Variants in OLIG1 observed in about 807,000 individuals in gnomAD.
The protein encoded by OLIG1 is basic domain, helix-loop-helix protein, class B, 6.
In OLIG1, 9 loss-of-function variants were observed where a neutral mutation model predicts 13.5. The ratio of observed to expected loss-of-function variants is 0.67; its 90% CI spans 0.40 to 1.17. The LOEUF (loss-of-function observed/expected upper bound fraction) is 1.17, where lower values mean the gene tolerates loss of function less well. OLIG1 is among the 50% of genes most tolerant of loss of function. OLIG1 has a pLI of 0.01. For missense variants in OLIG1, 362 were observed against 392.2 expected (o/e 0.92, Z 0.65); for synonymous variants, 215 against 208.3 (o/e 1.03, Z -0.28).
chr21:33,070,874 C>G lies in OLIG1; in HGVS notation c.628C>G (p.Pro210Ala). ...GCTGCTGGCGCCCGGCGCCGTAGGA[C>G]CCCCCGACGCGCTGCGCCCCGCCAA... ...SVLLAPGAVG[P>A]PDALRPAKYL... The change falls in exon 1 of 1, where the codon CCC (proline) becomes GCC (alanine). Residue 210 changes from proline (P) to alanine (A), a missense_variant. By Grantham distance (27) the Pro-to-Ala change is conservative. Coordinates refer to ENST00000382348, the MANE Select transcript of OLIG1 (RefSeq NM_138983.3). This position sits in a 1 kb window ranked among gnomAD's most constrained non-coding sequence, Gnocchi z 5.9. The G allele has an allele frequency of 7.8e-7, 1 of 1,284,412 alleles. No individual in the cohort carries two copies. Among genetic ancestry groups the G allele is most frequent in the Non-Finnish European group, 9.8e-7 (1 of 1,016,724 alleles). 79.6% of individuals were successfully genotyped at this position (1,284,412 alleles called of 1,614,324 possible).
chr21:33,071,086 G>C lies in OLIG1; in HGVS notation c.*24G>C. The C allele has an allele frequency of 1.4e-6, 2 of 1,451,346 alleles. No individual in the cohort carries two copies. The highest frequency in any genetic ancestry group is 1.4e-5 in the South Asian group (1 of 72,812). The allele number at this position is 1,451,346 out of a possible 1,614,324, so 89.9% of individuals were successfully genotyped here. A position where few individuals can be genotyped will look rare whatever the true frequency, so the allele number is the denominator to read the frequency against. Reference sequence around the variant, plus strand: ...GAGGGCGGGCCTGGGCCTGGGGCGCGACCTCGGCCCGGCCTCCCTTCGCTC... The same window carrying C: ...GAGGGCGGGCCTGGGCCTGGGGCGCCACCTCGGCCCGGCCTCCCTTCGCTC... On this transcript the variant is annotated 3_prime_UTR_variant, in exon 1 of 1. Transcript: ENST00000382348. The surrounding 1 kb of genome is among the most constrained non-coding windows in gnomAD (Gnocchi z 6.0).
In OLIG1 at chr21:33,070,341, T is replaced by C. The variant is rs1385740746; in HGVS notation, c.95T>C (p.Leu32Pro). 1.3e-6 allele frequency: 2 copies of C among 1,546,384 alleles called. No individual in the cohort carries two copies. The highest frequency in any genetic ancestry group is 2.8e-5 in the African/African-American group (2 of 72,364). Residue 32 changes from leucine to proline, a missense_variant, in exon 1 of 1, where the codon CTC (leucine) becomes CCC (proline). By Grantham distance (98) the Leu-to-Pro change is moderately conservative. This residue lies in a region of OLIG1 where 206 missense variants were observed against 197.2 expected (regional missense o/e 1.04). Coordinates refer to ENST00000382348, the MANE Select transcript of OLIG1 (RefSeq NM_138983.3). This position sits in a 1 kb window ranked among gnomAD's most constrained non-coding sequence, Gnocchi z 5.9. ...GGAGACTTGCAGCTCGGGGCCTCCC[T>C]CTACGAGCTGGTGGGCTACAGGCAG... ...RPGDLQLGASLYELVGYRQPP... is the reference protein window; with the variant it reads ...RPGDLQLGASPYELVGYRQPP...
Position 33,070,282 on chromosome 21 carries a change from G to C in OLIG1, c.36G>C (p.Ala12=), listed in dbSNP as rs778525404. Residue 12 remains alanine, a synonymous_variant, in exon 1 of 1, where the codon GCG becomes GCC. Coordinates refer to ENST00000382348, the MANE Select transcript of OLIG1 (RefSeq NM_138983.3). This position sits in a 1 kb window ranked among gnomAD's most constrained non-coding sequence, Gnocchi z 5.9. ...CGGTTTCCCAGGCGCGCGTGAACGC[G>C]GTCCCCGGGACCATGCTGCGGCCAC... ...YYAVSQARVN[A]VPGTMLRPQR... is the part of the protein sequence containing the mutation. 4.2e-5 allele frequency: 65 copies of C among 1,541,116 alleles called. No individual in the cohort carries two copies. In the African/African-American group the frequency reaches 7.4e-4, roughly 18 times the overall value.
rs1343905487 is a variant in OLIG1, at chr21:33,070,505, G to C, written c.259G>C (p.Gly87Arg). The change falls in exon 1 of 1, where the codon GGC (glycine) becomes CGC (arginine). Residue 87 changes from glycine (G) to arginine (R), a missense_variant. By Grantham distance (125) the Gly-to-Arg change is moderately radical. Transcript: ENST00000382348. The surrounding 1 kb of genome is among the most constrained non-coding windows in gnomAD (Gnocchi z 5.9). ...AEPPGPGPGS[G>R]AHPGGSARPD... is the part of the protein sequence containing the mutation. ...GCCTCCAGGCCCCGGGCCCGGGTCAGGCGCGCACCCGGGCGGCAGCGCCCG... is the reference window on the plus strand; with the variant it reads ...GCCTCCAGGCCCCGGGCCCGGGTCACGCGCGCACCCGGGCGGCAGCGCCCG... 2.0e-6 allele frequency: 3 copies of C among 1,502,022 alleles called. No individual in the cohort carries two copies. The African/African-American group carries it at 4.4e-5, about 22-fold the overall frequency. 93.0% of individuals were successfully genotyped at this position (1,502,022 alleles called of 1,614,324 possible).
Position 33,070,231 on chromosome 21 carries a change from C to T in OLIG1, c.-16C>T. Reference sequence around the variant, plus strand: ...GTTCCTGAAGGGCGTCCTCGGCCGCCCCCACCGCCTCCCAGATGTACTATG... The same window carrying T: ...GTTCCTGAAGGGCGTCCTCGGCCGCTCCCACCGCCTCCCAGATGTACTATG... On this transcript the variant is annotated 5_prime_UTR_variant, in exon 1 of 1. Coordinates refer to ENST00000382348, the MANE Select transcript of OLIG1 (RefSeq NM_138983.3). This position sits in a 1 kb window ranked among gnomAD's most constrained non-coding sequence, Gnocchi z 5.9. 5 of 1,509,938 alleles carry T rather than the reference C, an allele frequency of 3.3e-6. No homozygotes were observed. Among genetic ancestry groups the T allele is most frequent in the Non-Finnish European group, 4.4e-6 (5 of 1,124,582 alleles). 93.5% of individuals were successfully genotyped at this position (1,509,938 alleles called of 1,614,324 possible).
rs1276211890 is a variant in OLIG1 at position 33,072,299 on chromosome 21, A to G, written c.*1237A>G. 1 of 167,120 alleles carries G rather than the reference A, an allele frequency of 6.0e-6. No individual in the cohort carries two copies. Among genetic ancestry groups the G allele is most frequent in the African/African-American group, 2.4e-5 (1 of 41,464 alleles). The allele number at this position is 167,120 out of a possible 1,614,324, so 10.4% of individuals were successfully genotyped here. ...TTTCCGCAGTTTACTTTGATTTTCT[A>G]TGTTTAAGGTTTTGGTTGTTGGTAG... On this transcript the variant is annotated 3_prime_UTR_variant, in exon 1 of 1. Transcript: ENST00000382348.
chr21:33,070,469 G>T lies in OLIG1; in HGVS notation c.223G>T (p.Ala75Ser). ...CAAGGCTGCGCGCGAGAAGCCGGAG[G>T]CGCCGGCCGAGCCTCCAGGCCCCGG... ...LPKAAREKPE[A>S]PAEPPGPGPG... Residue 75 changes from alanine to serine, a missense_variant, in exon 1 of 1, where the codon GCG becomes TCG. Coordinates refer to ENST00000382348, the MANE Select transcript of OLIG1 (RefSeq NM_138983.3). This position sits in a 1 kb window ranked among gnomAD's most constrained non-coding sequence, Gnocchi z 5.9. 6.6e-7 allele frequency: 1 copy of T among 1,524,182 alleles called. No homozygotes were observed. The allele number at this position is 1,524,182 out of a possible 1,614,324, so 94.4% of individuals were successfully genotyped here.
In OLIG1 at chr21:33,070,159, G is replaced by T; in HGVS notation, c.-88G>T. The T allele has an allele frequency of 7.1e-7, 1 of 1,399,500 alleles. No homozygotes were observed. The highest frequency in any genetic ancestry group is 9.3e-7 in the Non-Finnish European group (1 of 1,075,512). 86.7% of individuals were successfully genotyped at this position (1,399,500 alleles called of 1,614,324 possible). A position where few individuals can be genotyped will look rare whatever the true frequency, so the allele number is the denominator to read the frequency against. On this transcript the variant is annotated 5_prime_UTR_variant, in exon 1 of 1. Transcript: ENST00000382348. The surrounding 1 kb of genome is among the most constrained non-coding windows in gnomAD (Gnocchi z 5.9). The stretch of plus-strand genomic sequence containing the variant: ...GGGCCCCACCATCGTTTCCCCGCGC[G>T]CAGGTCCGCGGGGAGGGGCGGCCTG...
In OLIG1 at chr21:33,070,643, C is replaced by T. The variant is rs1326922188; in HGVS notation, c.397C>T (p.Leu133=). The T allele has an allele frequency of 1.1e-5, 18 of 1,566,892 alleles. No homozygotes were observed. Among genetic ancestry groups the T allele is most frequent in the Admixed American group, 5.4e-5 (3 of 55,650 alleles). ...CATGGACGCCCTGCGCGAGGTCATC[C>T]TGCCCTACTCAGCGGCGCACTGCCA... is the stretch of plus-strand genomic sequence containing the variant. ...LAMDALREVI[L]PYSAAHCQGA... is the part of the protein sequence containing the mutation. Residue 133 remains leucine (L), a synonymous_variant, in exon 1 of 1, where the codon CTG becomes TTG. Coordinates refer to ENST00000382348, the MANE Select transcript of OLIG1 (RefSeq NM_138983.3). The surrounding 1 kb of genome is among the most constrained non-coding windows in gnomAD (Gnocchi z 5.9).
At position 33,070,878 on chromosome 21, in the gene OLIG1, C is replaced by G; in HGVS notation, c.632C>G (p.Pro211Arg). 7.7e-7 allele frequency: 1 copy of G among 1,299,616 alleles called. No individual in the cohort carries two copies. Among genetic ancestry groups the G allele is most frequent in the Non-Finnish European group, 9.7e-7 (1 of 1,025,718 alleles). 80.5% of individuals were successfully genotyped at this position (1,299,616 alleles called of 1,614,324 possible). The part of the protein sequence containing the change: ...VLLAPGAVGP[P>R]DALRPAKYLS... ...CTGGCGCCCGGCGCCGTAGGACCCC[C>G]CGACGCGCTGCGCCCCGCCAAGTAC... Residue 211 changes from proline (P) to arginine (R), a missense_variant, in exon 1 of 1, where the codon CCC becomes CGC. Physicochemically the swap from Pro to Arg is moderately radical, Grantham distance 103 (BLOSUM62 -2). This residue lies in a region of OLIG1 where 94 missense variants were observed against 146.0 expected (regional missense o/e 0.64). Transcript: ENST00000382348. The surrounding 1 kb of genome is among the most constrained non-coding windows in gnomAD (Gnocchi z 5.9).
rs1982208535 is a variant in OLIG1, at chr21:33,070,933, C to T, written c.687C>T (p.Cys229=). 3 of 1,451,304 alleles carry T rather than the reference C, an allele frequency of 2.1e-6. No individual in the cohort carries two copies. The highest frequency in any genetic ancestry group is 3.0e-5 in the African/African-American group (2 of 67,428). The allele number at this position is 1,451,304 out of a possible 1,614,324, so 89.9% of individuals were successfully genotyped here. A position where few individuals can be genotyped will look rare whatever the true frequency, so the allele number is the denominator to read the frequency against. ...YLSLALDEPP[C]GQFALPGGGA... ...CGCTGGCGCTGGACGAGCCGCCGTG[C>T]GGCCAGTTCGCTCTCCCCGGCGGCG... Residue 229 remains cysteine, a synonymous_variant, in exon 1 of 1, where the codon TGC becomes TGT. Coordinates refer to ENST00000382348, the MANE Select transcript of OLIG1 (RefSeq NM_138983.3). This position sits in a 1 kb window ranked among gnomAD's most constrained non-coding sequence, Gnocchi z 5.9.
Position 33,071,847 on chromosome 21 carries a change from G to T in OLIG1, c.*785G>T, listed in dbSNP as rs1364568459. On this transcript the variant is annotated 3_prime_UTR_variant, in exon 1 of 1. Coordinates refer to ENST00000382348, the MANE Select transcript of OLIG1 (RefSeq NM_138983.3). This position sits in a 1 kb window ranked among gnomAD's most constrained non-coding sequence, Gnocchi z 6.0. ...AGAGTTTTCGCTCTTAAATCCTGGGGGTTTCTTAGAAAGCAACTTAGAACT... is the reference window on the plus strand; with the variant it reads ...AGAGTTTTCGCTCTTAAATCCTGGGTGTTTCTTAGAAAGCAACTTAGAACT... 1.2e-5 allele frequency: 2 copies of T among 167,030 alleles called. No homozygotes were observed. Among genetic ancestry groups the T allele is most frequent in the Non-Finnish European group, 2.9e-5 (2 of 68,114 alleles). 10.3% of individuals were successfully genotyped at this position (167,030 alleles called of 1,614,324 possible).
In OLIG1 at chr21:33,071,230, CT is replaced by C. The variant is rs1476392070; in HGVS notation, c.*169del. 7 of 620,424 alleles carry C rather than the reference CT, an allele frequency of 1.1e-5. No homozygotes were observed. In the East Asian group the frequency reaches 1.4e-4, roughly 13 times the overall value. The allele number at this position is 620,424 out of a possible 1,614,324, so 38.4% of individuals were successfully genotyped here. A position where few individuals can be genotyped will look rare whatever the true frequency, so the allele number is the denominator to read the frequency against. On this transcript the variant is annotated 3_prime_UTR_variant, in exon 1 of 1. Transcript: ENST00000382348. This position sits in a 1 kb window ranked among gnomAD's most constrained non-coding sequence, Gnocchi z 6.0. ...GGCACCCCCTTCCCCGCCCCCACCC[CT>C]GGGACGTTAAAGTGACCAGAGCGGA...
In OLIG1 at chr21:33,072,150, C is replaced by G. The variant is rs1282896965; in HGVS notation, c.*1088C>G. ...CCGCTGTTCCTCAGCGGGCCGGGCCCTTGACCAGCGCGGCCCGCAGGTCTT... is the reference window on the plus strand; with the variant it reads ...CCGCTGTTCCTCAGCGGGCCGGGCCGTTGACCAGCGCGGCCCGCAGGTCTT... On this transcript the variant is annotated 3_prime_UTR_variant, in exon 1 of 1. Coordinates refer to ENST00000382348, the MANE Select transcript of OLIG1 (RefSeq NM_138983.3). 6.0e-6 allele frequency: 1 copy of G among 167,082 alleles called. No individual in the cohort carries two copies. Among genetic ancestry groups the G allele is most frequent in the Non-Finnish European group, 1.5e-5 (1 of 68,120 alleles). The allele number at this position is 167,082 out of a possible 1,614,324, so 10.3% of individuals were successfully genotyped here.
rs1982219935 is a variant in OLIG1, at chr21:33,071,227, C to T, written c.*165C>T. 3.2e-6 allele frequency: 2 copies of T among 619,616 alleles called. No homozygotes were observed. Among genetic ancestry groups the T allele is most frequent in the Non-Finnish European group, 2.6e-6 (1 of 386,870 alleles). 38.4% of individuals were successfully genotyped at this position (619,616 alleles called of 1,614,324 possible). On this transcript the variant is annotated 3_prime_UTR_variant, in exon 1 of 1. Transcript: ENST00000382348. The surrounding 1 kb of genome is among the most constrained non-coding windows in gnomAD (Gnocchi z 6.0). Reference sequence around the variant, plus strand: ...TCGGGCACCCCCTTCCCCGCCCCCACCCCTGGGACGTTAAAGTGACCAGAG... The same window carrying T: ...TCGGGCACCCCCTTCCCCGCCCCCATCCCTGGGACGTTAAAGTGACCAGAG...
Position 33,070,570 on chromosome 21 carries a change from C to T in OLIG1, c.324C>T (p.Arg108=). Residue 108 remains arginine (R), a synonymous_variant, in exon 1 of 1, where the codon CGC becomes CGT. Transcript: ENST00000382348. The surrounding 1 kb of genome is among the most constrained non-coding windows in gnomAD (Gnocchi z 5.9). ...AGGAGCAGCAGCAGCAGCTGCGGCG[C>T]AAGATCAACAGCCGCGAGCGGAAGC... The part of the protein sequence containing the change: ...AKEEQQQQLR[R]KINSRERKRM... 3 of 1,540,086 alleles carry T rather than the reference C, an allele frequency of 1.9e-6. No homozygotes were observed. Among genetic ancestry groups the T allele is most frequent in the African/African-American group, 1.4e-5 (1 of 70,060 alleles).
chr21:33,070,142 C>T lies in OLIG1; in HGVS notation c.-105C>T. ...GGGTAGGGCGCGGGCCAGGGCCCCA[C>T]CATCGTTTCCCCGCGCGCAGGTCCG... On this transcript the variant is annotated 5_prime_UTR_variant, in exon 1 of 1. Transcript: ENST00000382348. The surrounding 1 kb of genome is among the most constrained non-coding windows in gnomAD (Gnocchi z 5.9). The T allele has an allele frequency of 3.6e-6, 5 of 1,395,328 alleles. No homozygotes were observed. The highest frequency in any genetic ancestry group is 4.7e-6 in the Non-Finnish European group (5 of 1,073,426). The allele number at this position is 1,395,328 out of a possible 1,614,324, so 86.4% of individuals were successfully genotyped here.
chr21:33,071,140 CT>C lies in OLIG1; in HGVS notation c.*79del. ...TTCTCCGCGCCCCTGCTCCCTGCGT[CT>C]GGGAGAGCGAGGCCGAGCAAGGAAA... On this transcript the variant is annotated 3_prime_UTR_variant, in exon 1 of 1. Transcript: ENST00000382348. This position sits in a 1 kb window ranked among gnomAD's most constrained non-coding sequence, Gnocchi z 6.0. 7.8e-7 allele frequency: 1 copy of C among 1,288,586 alleles called. No homozygotes were observed. The highest frequency in any genetic ancestry group is 1.0e-6 in the Non-Finnish European group (1 of 985,328). 79.8% of individuals were successfully genotyped at this position (1,288,586 alleles called of 1,614,324 possible).
Position 33,070,629 on chromosome 21 carries a change from T to C in OLIG1, c.383T>C (p.Leu128Pro). 1 of 1,575,482 alleles carries C rather than the reference T, an allele frequency of 6.3e-7. No individual in the cohort carries two copies. The highest frequency in any genetic ancestry group is 8.6e-7 in the Non-Finnish European group (1 of 1,167,208). ...GACCTGAACCTGGCCATGGACGCCC[T>C]GCGCGAGGTCATCCTGCCCTACTCA... is the stretch of plus-strand genomic sequence containing the variant. ...MQDLNLAMDA[L>P]REVILPYSAA... is the part of the protein sequence containing the mutation. Residue 128 changes from leucine (L) to proline (P), a missense_variant, in exon 1 of 1, where the codon CTG becomes CCG. Leu to Pro is a moderately conservative substitution (Grantham distance 98, BLOSUM62 -3). Transcript: ENST00000382348. The surrounding 1 kb of genome is among the most constrained non-coding windows in gnomAD (Gnocchi z 5.9).
Sources: gnomAD v4.1 joint callset for allele counts on GRCh38, gnomAD v4.1.1 for gene constraint, gnomAD v4.1.1 regional missense constraint, Gnocchi (gnomAD v3.1) non-coding constraint, MANE v1.5 for transcripts, NCBI Gene and HGNC (gene_info 2026-07-23, HGNC 2026-07-21) for gene names.